The following DNAH5 variants were observed in gnomAD, a reference collection of about 807,000 sequenced individuals.
DNAH5 encodes axonemal beta dynein heavy chain 5.
A neutral mutation model predicts 518.2 loss-of-function variants in DNAH5; 372 were observed. That is an observed-to-expected ratio of 0.72 (90% CI 0.66 to 0.78). DNAH5 has a LOEUF of 0.78. Among genes scored for constraint, DNAH5 ranks in the 30% least tolerant of loss-of-function variants. The pLI is 0.00. For synonymous variants in DNAH5, 2,039 were observed against 2,025.9 expected, an observed-to-expected ratio of 1.01 and a Z score of -0.17; for missense variants, 5,523 against 5,687.0, an observed-to-expected ratio of 0.97 and a Z score of 0.93.
intron 31 of DNAH5, 91 bp from the exon 32 acceptor site, chr5:13,845,084 A>G: frequency 8.0e-7 from 1 of 1,245,036 alleles, no homozygotes; most frequent in East Asian, 2.4e-5. Context: ...AGGGGAGAAG[A>G]TTGTGTGACT....
chr5:13,799,208 C>T (rs1025519712), intron 47 of DNAH5, among the ~76,000 whole-genome samples: 14 of 132,294 alleles, frequency 1.1e-4, no homozygotes, highest in Non-Finnish European at 2.0e-4. Context: ...AATTTCATAC[C>T]CCCCCCCACA....
chr5:13,946,861 C>T (rs574290011), upstream of DNAH5, among the ~76,000 whole-genome samples: 6 of 152,238 alleles, frequency 3.9e-5, no homozygotes, highest in Admixed American at 6.5e-5. Context: ...GTGCCTTTTA[C>T]GCAGCCAGAC....
In DNAH5 at chr5:13,844,821, T is replaced by G; in HGVS notation, c.5271+16A>C. The G allele has an allele frequency of 6.2e-7, 1 of 1,614,168 alleles. No homozygotes were observed. The highest frequency in any genetic ancestry group is 8.5e-7 in the Non-Finnish European group (1 of 1,179,992). ...AGGTACGGTGATTGTTGGCCTGCCA[T>G]TAGAATTAGGCGAACCTTTTCGTGG... On this transcript the variant is annotated intron_variant, in intron 32 of 78. Coordinates refer to ENST00000265104, the MANE Select transcript of DNAH5 (RefSeq NM_001369.3).
In DNAH5 at chr5:13,931,083, G is replaced by A. The variant is rs928596900; in HGVS notation, c.192+27C>T. The A allele has an allele frequency of 2.5e-6, 4 of 1,613,950 alleles. No homozygotes were observed. In the East Asian group the frequency reaches 8.9e-5, roughly 36 times the overall value. On this transcript the variant is annotated intron_variant, in intron 2 of 78. Transcript: ENST00000265104. ...GACCATCTGTGCCCTCCATCATCAA[G>A]TCAGTGAGAAGTGAAACGCATCCCA...
At chr5:13,974,254 AG>A (rs568143746) in intron 1 of DNAH5, among the ~76,000 whole-genome samples, 68 of 151,206 alleles carry the variant, frequency 4.5e-4, no homozygotes, top group African/African-American at 1.6e-3. Flanking sequence ...TCCCATCACA[AG>A]TAGCTGGGAC....
intron 37 of DNAH5, 87 bp downstream of exon 37, chr5:13,829,939 G>C (rs10474996): frequency 7.1e-7 from 1 of 1,404,300 alleles, no homozygotes; most frequent in South Asian, 1.2e-5. Flanking sequence ...TTTCCATTCA[G>C]GAAAACAGAT....
At chr5:13,972,120 G>A (rs1403815180) in intron 1 of DNAH5, among the ~76,000 whole-genome samples, 4 of 152,142 alleles carry the variant, frequency 2.6e-5, no homozygotes, top group African/African-American at 4.8e-5. Flanking sequence ...AGCAGTGACA[G>A]GCCTCACCCA....
chr5:13,804,164 C>CA (rs903900785), intron 47 of DNAH5, among the ~76,000 whole-genome samples: 8 of 151,916 alleles, frequency 5.3e-5, no homozygotes, highest in African/African-American at 1.9e-4. Flanking sequence ...TTCCCTTAGC[C>CA]AAAAAATGGA....
intron 78 of DNAH5, among the ~76,000 whole-genome samples, chr5:13,694,132 T>C (rs919185759): frequency 1.3e-5 from 2 of 152,224 alleles, no homozygotes; most frequent in East Asian, 1.9e-4. Context: ...CTGAATCTCC[T>C]GATAATTACA....
chr5:13,963,836 G>T (rs554174867), intron 1 of DNAH5, among the ~76,000 whole-genome samples: 1 of 152,044 alleles, frequency 6.6e-6, no homozygotes, highest in Non-Finnish European at 1.5e-5. Flanking sequence ...CGACAGGCAT[G>T]TGCCACCACG....
At chr5:13,763,024 T>C (rs1580114819) in intron 59 of DNAH5, 123 bp from the exon 60 acceptor site, 1 of 853,686 alleles carries the variant, frequency 1.2e-6, no homozygotes, top group Non-Finnish European at 1.9e-6. Context: ...CATCATATTT[T>C]GTCACTATTT....
chr5:13,911,668 G>C (rs1483601581), intron 11 of DNAH5, among the ~76,000 whole-genome samples, 175 bp from the exon 12 acceptor site: 1 of 151,972 alleles, frequency 6.6e-6, no homozygotes, highest in African/African-American at 2.4e-5. Flanking sequence ...GGCAGTATAA[G>C]GTTGCCCTAC....
At chr5:13,933,988 G>T (rs1398902340) in intron 1 of DNAH5, among the ~76,000 whole-genome samples, 2 of 151,990 alleles carry the variant, frequency 1.3e-5, no homozygotes, top group Admixed American at 6.6e-5. Context: ...CAGTGTGACT[G>T]TGCCACTAAC....
At chr5:13,996,758 C>T (rs970618712) in intron 1 of DNAH5, among the ~76,000 whole-genome samples, 12 of 152,250 alleles carry the variant, frequency 7.9e-5, no homozygotes, top group African/African-American at 1.4e-4. Context: ...GCAGCTCTCA[C>T]GGTTGGAGTC....
chr5:13,904,927 T>TGAAAGAAA (rs574148538), intron 12 of DNAH5, among the ~76,000 whole-genome samples: 2 of 149,494 alleles, frequency 1.3e-5, no homozygotes, highest in Non-Finnish European at 3.0e-5. Flanking sequence ...GAAAAGAAAA[T>TGAAAGAAA]GAAAGAAAGA....
intron 9 of DNAH5, 45 bp from the exon 10 acceptor site, chr5:13,914,687 T>A (rs13162553): frequency 1.3e-6 from 2 of 1,596,812 alleles, no homozygotes; most frequent in Non-Finnish European, 1.7e-6. Context: ...AAAACAGCCA[T>A]GGATTGTAAA....
chr5:13,909,052 T>C (rs141551579), intron 12 of DNAH5, among the ~76,000 whole-genome samples: 5 of 152,274 alleles, frequency 3.3e-5, no homozygotes, highest in Admixed American at 6.5e-5. Flanking sequence ...GAAAAACTCA[T>C]TGGCAAACCA....
At chr5:13,936,404 C>T (rs1352605962) in intron 1 of DNAH5, among the ~76,000 whole-genome samples, 1 of 152,184 alleles carries the variant, frequency 6.6e-6, no homozygotes, top group Non-Finnish European at 1.5e-5. Flanking sequence ...ATCTATCCAT[C>T]TGATGTTTAA....
intron 27 of DNAH5, among the ~76,000 whole-genome samples, chr5:13,865,323 A>G (rs2151910139): frequency 6.6e-6 from 1 of 152,288 alleles, no homozygotes; most frequent in East Asian, 1.9e-4. Context: ...TTCAAGAGCT[A>G]CAACAATACA....
Sources: gnomAD v4.1 joint callset for allele counts (sites outside exome capture counted in the v4.1 genomes callset) on GRCh38, gnomAD v4.1.1 for gene constraint, MANE v1.5 for transcripts, NCBI Gene and HGNC (gene_info 2026-07-23, HGNC 2026-07-21) for gene names.